The following TMPRSS11D variants were observed in gnomAD, a reference collection of about 807,000 sequenced individuals.
TMPRSS11D encodes the protein transmembrane protease serine 11D.
Under a neutral mutation model 44.4 loss-of-function variants are expected in TMPRSS11D, and 32 were observed. The ratio of observed to expected loss-of-function variants is 0.72; its 90% CI spans 0.54 to 0.97. The LOEUF (loss-of-function observed/expected upper bound fraction) is 0.97, where lower values mean the gene tolerates loss of function less well. Among genes scored for constraint, TMPRSS11D ranks in the 50% least tolerant of loss-of-function variants. The probability of loss-of-function intolerance (pLI) is 0.00; values close to 1 mark genes in which losing one functional copy is unlikely to be tolerated. For synonymous variants in TMPRSS11D, 179 were observed against 177.9 expected, an observed-to-expected ratio of 1.01 and a Z score of -0.05; for missense variants, 446 against 502.6, an observed-to-expected ratio of 0.89 and a Z score of 1.08.
At chr4:67,863,371 G>A (rs1718841894) in intron 1 of TMPRSS11D, among the ~76,000 whole-genome samples, 1 of 150,308 alleles carries the variant, frequency 6.7e-6, no homozygotes, top group African/African-American at 2.4e-5. Flanking sequence ...AAAACCGAAC[G>A]TGGTATTTTT....
rs548830317 is a variant in TMPRSS11D, at chr4:67,871,382, C to T, written c.9-11704G>A. 2.0e-5 allele frequency among the ~76,000 whole-genome samples: 3 copies of T among 152,234 alleles called. No homozygotes were observed. The East Asian group carries it at 5.8e-4, about 29-fold the overall frequency. Reference sequence around the variant, plus strand: ...TTTTAAACTGAAGGAGATGGTATATCTGTATTGTCACTCTCATACCTCATC... The same window carrying T: ...TTTTAAACTGAAGGAGATGGTATATTTGTATTGTCACTCTCATACCTCATC... On this transcript the variant is annotated intron_variant, in intron 1 of 9. Coordinates refer to ENST00000283916, the MANE Select transcript of TMPRSS11D (RefSeq NM_004262.3).
At chr4:67,849,902 C>T (rs1434239564) in intron 3 of TMPRSS11D, among the ~76,000 whole-genome samples, 2 of 152,144 alleles carry the variant, frequency 1.3e-5, no homozygotes, top group Non-Finnish European at 2.9e-5. Context: ...GTTTCTTAAT[C>T]TCACAATCTT....
At chr4:67,861,056 T>C (rs1718781765) in intron 1 of TMPRSS11D, among the ~76,000 whole-genome samples, 1 of 151,996 alleles carries the variant, frequency 6.6e-6, no homozygotes, top group Non-Finnish European at 1.5e-5. Flanking sequence ...AAATTGACCA[T>C]GTTCAAGCAT....
At chr4:67,836,873 C>T (rs1718103467) in intron 5 of TMPRSS11D, among the ~76,000 whole-genome samples, 1 of 152,116 alleles carries the variant, frequency 6.6e-6, no homozygotes, top group African/African-American at 2.4e-5. Context: ...TGCTTTCCTT[C>T]TCTGGGAACT....
At position 67,827,275 on chromosome 4, in the gene TMPRSS11D, G is replaced by GC. The variant is rs1279870733; in HGVS notation, c.937dup (p.Ala313GlyfsTer22). The GC allele has an allele frequency of 6.2e-7, 1 of 1,601,242 alleles. No homozygotes were observed. The highest frequency in any genetic ancestry group is 1.8e-5 in the Admixed American group (1 of 56,890). ...GAGACACTTACCAGCATATTCTTGA[G>GC]CGCCCCATCCTGTTACATAAGCAGT... On this transcript the variant is annotated frameshift_variant, in exon 8 of 10. Transcript: ENST00000283916. LOFTEE classifies it high-confidence loss of function.
intron 1 of TMPRSS11D, among the ~76,000 whole-genome samples, chr4:67,870,345 C>T (rs1405663540): frequency 6.6e-6 from 1 of 152,182 alleles, no homozygotes; most frequent in Admixed American, 6.5e-5. Flanking sequence ...ATCCTGGCCT[C>T]TCTGCCGCTC....
At chr4:67,833,679 T>C (rs984887717) in intron 6 of TMPRSS11D, 10 of 222,332 alleles carry the variant, frequency 4.5e-5, no homozygotes, top group African/African-American at 1.8e-4. Context: ...TAGGTCATTA[T>C]TGGATGTGCC....
chr4:67,859,253 A>G (rs976596198), intron 2 of TMPRSS11D, among the ~76,000 whole-genome samples: 1 of 152,134 alleles, frequency 6.6e-6, no homozygotes, highest in African/African-American at 2.4e-5. Flanking sequence ...AAATTTTAGC[A>G]TCAGAAAATT....
At chr4:67,879,942 A>T (rs1307814364) in intron 1 of TMPRSS11D, among the ~76,000 whole-genome samples, 2 of 152,250 alleles carry the variant, frequency 1.3e-5, no homozygotes, top group Non-Finnish European at 2.9e-5. Context: ...AGGCTTACAA[A>T]GAAATATTAT....
chr4:67,839,335 A>G (rs1050697067), intron 4 of TMPRSS11D, among the ~76,000 whole-genome samples: 1 of 152,184 alleles, frequency 6.6e-6, no homozygotes, highest in African/African-American at 2.4e-5. Context: ...ATGTCTAGCA[A>G]TATGGAAGCC....
At position 67,822,050 on chromosome 4, in the gene TMPRSS11D, C is replaced by T. The variant is rs143350837; in HGVS notation, c.*287G>A. ...CTCAAGGTTCCTGTTCTTCTCACTACGGGCATTTAGCACAACTGTAATGAA... is the reference window on the plus strand; with the variant it reads ...CTCAAGGTTCCTGTTCTTCTCACTATGGGCATTTAGCACAACTGTAATGAA... On this transcript the variant is annotated 3_prime_UTR_variant, in exon 10 of 10. Transcript: ENST00000283916. The T allele has an allele frequency of 3.3e-3, 923 of 280,270 alleles. 2 individuals carry two copies. Among genetic ancestry groups the T allele is most frequent in the Non-Finnish European group, 4.0e-3 (580 of 146,458 alleles). 17.4% of individuals were successfully genotyped at this position (280,270 alleles called of 1,614,324 possible).
chr4:67,832,656 T>G (rs2109663451), intron 7 of TMPRSS11D, among the ~76,000 whole-genome samples: 1 of 150,904 alleles, frequency 6.6e-6, no homozygotes, highest in Non-Finnish European at 1.5e-5. Context: ...ACTTTGTTTA[T>G]ACTAGTAGCT....
chr4:67,826,431 G>A (rs192840008), intron 8 of TMPRSS11D, among the ~76,000 whole-genome samples: 76 of 152,088 alleles, frequency 5.0e-4, no homozygotes, highest in African/African-American at 1.7e-3. Context: ...CTACAACATG[G>A]GTAAAAGCCC....
Position 67,854,087 on chromosome 4 carries a change from C to T in TMPRSS11D, c.230G>A (p.Ser77Asn), listed in dbSNP as rs369626226. Residue 77 changes from serine to asparagine, a missense_variant, in exon 3 of 10, where the codon AGT (serine) becomes AAT (asparagine). By Grantham distance (46) the Ser-to-Asn change is conservative. Transcript: ENST00000283916. ...SPATQEYRTL[S>N]GRIESLITKT... ...ACTTACCAGAGATTCAATTCTTCCA[C>T]TCAAAGTCCTGTATTCCTGTGTAGC... The T allele has an allele frequency of 3.8e-6, 6 of 1,571,254 alleles. No homozygotes were observed. Among genetic ancestry groups the T allele is most frequent in the Non-Finnish European group, 4.3e-6 (5 of 1,159,270 alleles).
chr4:67,874,470 C>G (rs76910063), intron 1 of TMPRSS11D, among the ~76,000 whole-genome samples: 17,070 of 152,134 alleles, frequency 0.11, 1,013 homozygotes, highest in African/African-American at 0.13. Flanking sequence ...ACATTACACT[C>G]TAATGGCAGT....
At chr4:67,869,422 C>T (rs574101066) in intron 1 of TMPRSS11D, among the ~76,000 whole-genome samples, 112 of 151,920 alleles carry the variant, frequency 7.4e-4, no homozygotes, top group African/African-American at 2.2e-3. Flanking sequence ...ATTACCTATA[C>T]GCTATATAAT....
chr4:67,871,898 A>C (rs1719069280), intron 1 of TMPRSS11D, among the ~76,000 whole-genome samples: 1 of 152,180 alleles, frequency 6.6e-6, no homozygotes, highest in Non-Finnish European at 1.5e-5. Context: ...TTTCTCTAGG[A>C]ATCACCAGAT....
intron 1 of TMPRSS11D, among the ~76,000 whole-genome samples, chr4:67,877,355 TG>T (rs888285086): frequency 1.3e-5 from 2 of 152,162 alleles, no homozygotes; most frequent in African/African-American, 4.8e-5. Context: ...TGCAAATTCC[TG>T]TACTGAATCC....
intron 1 of TMPRSS11D, among the ~76,000 whole-genome samples, chr4:67,861,457 A>G (rs1345821931): frequency 6.6e-6 from 1 of 152,160 alleles, no homozygotes; most frequent in Admixed American, 6.6e-5. Context: ...AGGCAAATGT[A>G]ACTCCAAAGG....
Sources: allele counts gnomAD v4.1 joint callset (sites outside exome capture counted in the v4.1 genomes callset), GRCh38; gene constraint gnomAD v4.1.1; transcripts MANE v1.5; gene names NCBI Gene and HGNC (gene_info 2026-07-23, HGNC 2026-07-21).